The following RAB12 variants were observed in gnomAD, a reference collection of about 807,000 sequenced individuals.
The protein encoded by RAB12 is ras-related protein Rab-12.
In RAB12, 11 loss-of-function variants were observed where a neutral mutation model predicts 28.4. The observed-to-expected ratio is 0.39, with a 90% CI of 0.24 to 0.64. The LOEUF (loss-of-function observed/expected upper bound fraction) is 0.64. Among genes scored for constraint, RAB12 ranks in the 30% least tolerant of loss-of-function variants. The pLI is 0.50. For missense variants in RAB12, 276 were observed against 351.1 expected (o/e 0.79, Z 1.71); for synonymous variants, 138 against 145.3 (o/e 0.95, Z 0.36).
At chr18:8,622,654 T>C (rs2096010516) in intron 1 of RAB12, among the ~76,000 whole-genome samples, 1 of 152,220 alleles carries the variant, frequency 6.6e-6, no homozygotes, top group South Asian at 2.1e-4. Flanking sequence ...ACCATTGTCA[T>C]TGATAACATC....
intron 1 of RAB12, among the ~76,000 whole-genome samples, chr18:8,615,004 G>A (rs954438072): frequency 2.6e-5 from 4 of 152,192 alleles, no homozygotes; most frequent in Admixed American, 6.5e-5. Flanking sequence ...GCTGCAGGCC[G>A]CAGTCCTGTG....
intron 5 of RAB12, among the ~76,000 whole-genome samples, chr18:8,636,579 C>G (rs1453652130): frequency 6.6e-6 from 1 of 152,228 alleles, no homozygotes; most frequent in East Asian, 1.9e-4. Context: ...ATATGGCATA[C>G]TTGCTTCGCC....
At chr18:8,632,957 C>A in intron 2 of RAB12, 1 of 510,354 alleles carries the variant, frequency 2.0e-6, no homozygotes, top group South Asian at 2.6e-5. Flanking sequence ...AATCCATCTC[C>A]ATTAATCTAA....
intron 1 of RAB12, among the ~76,000 whole-genome samples, chr18:8,610,366 C>A (rs1290000384): frequency 6.6e-6 from 1 of 152,270 alleles, no homozygotes; most frequent in African/African-American, 2.4e-5. Flanking sequence ...CGGGTGTGAT[C>A]CCTGCGCAAC....
At chr18:8,610,966 ATGACT>A (rs1297447651) in intron 1 of RAB12, among the ~76,000 whole-genome samples, 1 of 152,224 alleles carries the variant, frequency 6.6e-6, no homozygotes, top group Non-Finnish European at 1.5e-5. Context: ...CGATTTTGAG[ATGACT>A]TGATTTGAAA....
Position 8,618,768 on chromosome 18 carries a change from T to G in RAB12, c.515-6170T>G, listed in dbSNP as rs183801573. Among the ~76,000 whole-genome samples the G allele has an allele frequency of 2.9e-3, 444 of 152,298 alleles. 2 individuals are homozygous for G. Among genetic ancestry groups the G allele is most frequent in the African/African-American group, 0.01 (422 of 41,566 alleles). On this transcript the variant is annotated intron_variant, in intron 1 of 5. Transcript: ENST00000649141. ...ATCTCGTGATCCACCCGCCTTGGCC[T>G]CCCAAAGTGCTGGGATTACAGGTGT...
At chr18:8,617,302 T>C (rs2096007240) in intron 1 of RAB12, among the ~76,000 whole-genome samples, 1 of 152,244 alleles carries the variant, frequency 6.6e-6, no homozygotes, top group Non-Finnish European at 1.5e-5. Flanking sequence ...TATATACAGA[T>C]GATATAAATT....
At chr18:8,614,316 A>G (rs1247660449) in intron 1 of RAB12, among the ~76,000 whole-genome samples, 2 of 152,188 alleles carry the variant, frequency 1.3e-5, no homozygotes, top group Non-Finnish European at 2.9e-5. Flanking sequence ...TTTAATCTAT[A>G]TATTCCATCA....
chr18:8,638,275 G>C lies in RAB12; in HGVS notation c.*13G>C, dbSNP rs1164867477. On this transcript the variant is annotated 3_prime_UTR_variant, in exon 6 of 6. Transcript: ENST00000649141. ...CCGATGCTGTTGATTTCCTACTTTG[G>C]AGACAAAGTGGAAATGATTCCTGGA... The C allele has an allele frequency of 1.3e-6, 2 of 1,558,066 alleles. No individual in the cohort carries two copies. The highest frequency in any genetic ancestry group is 2.2e-5 in the South Asian group (2 of 89,674).
chr18:8,613,825 A>ATAGAAG (rs2096005175), intron 1 of RAB12, among the ~76,000 whole-genome samples: 2 of 126,314 alleles, frequency 1.6e-5, no homozygotes, highest in South Asian at 5.4e-4. Flanking sequence ...GTGCCTATAA[A>ATAGAAG]TAGAAGTAGT....
Position 8,635,621 on chromosome 18 carries a change from A to G in RAB12, c.803A>G (p.Lys268Arg). The change falls in exon 4 of 6, where the codon AAG (lysine) becomes AGG (arginine). Residue 268 changes from lysine (K) to arginine (R), a missense_variant and splice_region_variant. Lys to Arg is a conservative substitution (Grantham distance 26). Around this residue, in one of 4 missense-constraint regions of RAB12, gnomAD observed 127 missense variants for 161.4 expected, o/e 0.79. Transcript: ENST00000649141. ...GAAATCACCAGGCAGCAGGGGGAAA[A>G]GGTGAGAGGGCGTGGGAGGCACGGT... ...DREITRQQGE[K>R]FAQQITGMRF... 1 of 1,610,490 alleles carries G rather than the reference A, an allele frequency of 6.2e-7. No individual in the cohort carries two copies. The highest frequency in any genetic ancestry group is 8.5e-7 in the Non-Finnish European group (1 of 1,178,016).
At chr18:8,610,851 A>G (rs1598306005) in intron 1 of RAB12, among the ~76,000 whole-genome samples, 2 of 152,360 alleles carry the variant, frequency 1.3e-5, no homozygotes, top group South Asian at 2.1e-4. Flanking sequence ...GGGGCGGTCC[A>G]AGAAACTGAG....
Position 8,609,553 on chromosome 18 carries a change from G to T in RAB12, c.114G>T (p.Ala38=). 6.3e-6 allele frequency: 1 copy of T among 158,720 alleles called. No homozygotes were observed. The highest frequency in any genetic ancestry group is 1.7e-4 in the South Asian group (1 of 5,864). 9.8% of individuals were successfully genotyped at this position (158,720 alleles called of 1,614,324 possible). The change falls in exon 1 of 6, where the codon GCG becomes GCT. Residue 38 remains alanine (A), a synonymous_variant. Coordinates refer to ENST00000649141, the MANE Select transcript of RAB12 (RefSeq NM_001025300.3). ...ACCCGGGCGCAGAGAGCCGGCCGGC[G>T]GCGCAGTTGCAGCGCGGAGCCCACG... ...GGDPGAESRP[A]AQLQRGAHGP...
chr18:8,609,818 C>G lies in RAB12; in HGVS notation c.379C>G (p.Arg127Gly), dbSNP rs778721519. Residue 127 changes from arginine to glycine, a missense_variant, in exon 1 of 6, where the codon CGG (arginine) becomes GGG (glycine). Coordinates refer to ENST00000649141, the MANE Select transcript of RAB12 (RefSeq NM_001025300.3). ...SPALSGGQGR[R>G]RKQPPRPADF... is the part of the protein sequence containing the mutation. ...GGCGCTGTCGGGCGGCCAGGGCCGC[C>G]GGAGGAAGCAGCCCCCCAGGCCGGC... 6.7e-7 allele frequency: 1 copy of G among 1,503,488 alleles called. No individual in the cohort carries two copies. Among genetic ancestry groups the G allele is most frequent in the Non-Finnish European group, 8.9e-7 (1 of 1,128,212 alleles). The allele number at this position is 1,503,488 out of a possible 1,614,324, so 93.1% of individuals were successfully genotyped here.
intron 5 of RAB12, 91 bp downstream of exon 5, chr18:8,636,448 A>AT: frequency 3.8e-6 from 3 of 798,134 alleles, no homozygotes; most frequent in Non-Finnish European, 5.9e-6. Flanking sequence ...GTATTTAGAA[A>AT]CCAAAATACA....
chr18:8,610,968 G>A (rs917585747), intron 1 of RAB12, among the ~76,000 whole-genome samples: 1 of 152,172 alleles, frequency 6.6e-6, no homozygotes, highest in African/African-American at 2.4e-5. Flanking sequence ...ATTTTGAGAT[G>A]ACTTGATTTG....
chr18:8,619,792 G>C (rs1283350765), intron 1 of RAB12, among the ~76,000 whole-genome samples: 1 of 152,106 alleles, frequency 6.6e-6, no homozygotes, highest in African/African-American at 2.4e-5. Context: ...GATATGTTGG[G>C]TATTAGACAT....
intron 3 of RAB12, among the ~76,000 whole-genome samples, chr18:8,633,883 C>T (rs1035729623): frequency 2.0e-5 from 3 of 152,116 alleles, no homozygotes; most frequent in Non-Finnish European, 2.9e-5. Context: ...GTGGGTTCTC[C>T]GCTAAGAAAC....
At chr18:8,636,232 T>C (rs750676572) in intron 4 of RAB12, 21 bp from the exon 5 acceptor site, 14 of 1,535,062 alleles carry the variant, frequency 9.1e-6, no homozygotes, top group Middle Eastern at 1.7e-4. Context: ...ACAGAGGAAA[T>C]AGGTGTGTGT....
Sources: gnomAD v4.1 joint callset for allele counts (sites outside exome capture counted in the v4.1 genomes callset) on GRCh38, gnomAD v4.1.1 for gene constraint, gnomAD v4.1.1 regional missense constraint, MANE v1.5 for transcripts, NCBI Gene and HGNC (gene_info 2026-07-23, HGNC 2026-07-21) for gene names.